KDM2A: variants seen among roughly 807,000 people sequenced by gnomAD.
KDM2A encodes lysine demethylase 2A.
In KDM2A, 3 loss-of-function variants were observed where a neutral mutation model predicts 137.3. The observed-to-expected ratio is 0.02, with a 90% CI of 0.01 to 0.06. KDM2A has a LOEUF of 0.06. Ranked by LOEUF, KDM2A falls within the 10% of genes least tolerant of loss-of-function variation. KDM2A has a pLI of 1.00. For synonymous variants in KDM2A, 512 were observed against 541.5 expected, an observed-to-expected ratio of 0.95 and a Z score of 0.76; for missense variants, 738 against 1,510.6, an observed-to-expected ratio of 0.49 and a Z score of 8.48.
At chr11:67,170,407 T>C (rs1229398592) in intron 2 of KDM2A, among the ~76,000 whole-genome samples, 34 of 141,474 alleles carry the variant, frequency 2.4e-4, no homozygotes, top group South Asian at 4.3e-4. Context: ...TTTCTTTCTT[T>C]CTTTTTTTTT....
rs965009288 is a variant in KDM2A, at chr11:67,253,079, G to A, written c.2932+222G>A. 1.4e-4 allele frequency among the ~76,000 whole-genome samples: 22 copies of A among 152,222 alleles called. 1 individual carries two copies. The highest frequency in any genetic ancestry group is 2.9e-4 in the Non-Finnish European group (20 of 68,042). ...GCCAATCACTGCAATGGACAGCAAA[G>A]AGAACGGAATCAGTGTTGCTGCCAG... On this transcript the variant is annotated intron_variant, in intron 18 of 20. Transcript: ENST00000529006.
At chr11:67,200,014 A>G (rs940855655) in intron 5 of KDM2A, among the ~76,000 whole-genome samples, 2 of 152,238 alleles carry the variant, frequency 1.3e-5, no homozygotes, top group Non-Finnish European at 2.9e-5. Context: ...GAATTATGCT[A>G]AATCTACTCT....
chr11:67,245,230 C>T lies in KDM2A; in HGVS notation c.1605C>T (p.Ile535=). The T allele has an allele frequency of 6.2e-7, 1 of 1,614,008 alleles. No homozygotes were observed. The highest frequency in any genetic ancestry group is 8.5e-7 in the Non-Finnish European group (1 of 1,179,888). Residue 535 remains isoleucine, a synonymous_variant, in exon 14 of 21, where the codon ATC becomes ATT. Coordinates refer to ENST00000529006, the MANE Select transcript of KDM2A (RefSeq NM_012308.3). This position sits in a 1 kb window ranked among gnomAD's most constrained non-coding sequence, Gnocchi z 4.1. ...PTRPKVRVPT[I]PITKPHTMKP... ...GGCCAAAGGTGCGGGTTCCTACCAT[C>T]CCCATTACGAAGCCTCACACTATGA... is the stretch of plus-strand genomic sequence containing the variant.
intron 6 of KDM2A, among the ~76,000 whole-genome samples, chr11:67,210,695 C>G (rs1857952251): frequency 1.3e-5 from 2 of 152,200 alleles, no homozygotes. Context: ...TTACCAAGCT[C>G]ACATTCTAAA....
At chr11:67,139,327 C>G (rs1047358695) in intron 2 of KDM2A, among the ~76,000 whole-genome samples, 1 of 152,028 alleles carries the variant, frequency 6.6e-6, no homozygotes, top group Non-Finnish European at 1.5e-5. Context: ...TCATTGCAAC[C>G]TCCGCCTCCC....
chr11:67,128,884 T>C (rs1590704125), intron 2 of KDM2A, among the ~76,000 whole-genome samples: 1 of 152,224 alleles, frequency 6.6e-6, no homozygotes, highest in East Asian at 1.9e-4. Context: ...TATGCTCTTC[T>C]TTGCTACCAA....
intron 2 of KDM2A, among the ~76,000 whole-genome samples, chr11:67,178,097 A>G (rs1402608420): frequency 6.6e-6 from 1 of 152,174 alleles, no homozygotes; most frequent in Non-Finnish European, 1.5e-5. Context: ...CATACCATAC[A>G]GTCTCCTCAT....
chr11:67,240,290 C>A, intron 12 of KDM2A: 1 of 1,535,632 alleles, frequency 6.5e-7, no homozygotes, highest in Non-Finnish European at 8.7e-7. Flanking sequence ...AGGAGAACTT[C>A]CAGTACAGAA....
chr11:67,215,399 T>G lies in KDM2A; in HGVS notation c.546T>G (p.Thr182=). ...MWPRHLKESQ[T]ESTNAILEMQ... Reference sequence around the variant, plus strand: ...CAAGGCACTTGAAGGAAAGCCAGACTGAATCAACAAATGCCATCTTGGAGA... The same window carrying G: ...CAAGGCACTTGAAGGAAAGCCAGACGGAATCAACAAATGCCATCTTGGAGA... Residue 182 remains threonine, a synonymous_variant, in exon 7 of 21, where the codon ACT becomes ACG. Transcript: ENST00000529006. 6.2e-7 allele frequency: 1 copy of G among 1,613,858 alleles called. No individual in the cohort carries two copies. The highest frequency in any genetic ancestry group is 8.5e-7 in the Non-Finnish European group (1 of 1,179,786).
rs766859642 is a variant in KDM2A at position 67,253,517 on chromosome 11, C to T, written c.2997C>T (p.Ser999=). ...WSAVSALSTS[S]CPLLRTLDLR... ...CAGTCTCTGCCCTCAGCACCTCCAGCTGCCCCCTTCTCAGGACCCTTGATC... is the reference window on the plus strand; with the variant it reads ...CAGTCTCTGCCCTCAGCACCTCCAGTTGCCCCCTTCTCAGGACCCTTGATC... The change falls in exon 19 of 21, where the codon AGC becomes AGT. Residue 999 remains serine (S), a synonymous_variant. Coordinates refer to ENST00000529006, the MANE Select transcript of KDM2A (RefSeq NM_012308.3). The T allele has an allele frequency of 6.2e-7, 1 of 1,613,986 alleles. No homozygotes were observed. Among genetic ancestry groups the T allele is most frequent in the African/African-American group, 1.3e-5 (1 of 75,056 alleles).
intron 2 of KDM2A, among the ~76,000 whole-genome samples, chr11:67,122,928 G>A (rs1268435648): frequency 6.6e-6 from 1 of 151,988 alleles, no homozygotes; most frequent in Non-Finnish European, 1.5e-5. Flanking sequence ...GCCCGCCTCG[G>A]CCACCCAAAG....
intron 9 of KDM2A, among the ~76,000 whole-genome samples, chr11:67,218,576 CATTAGT>C (rs1858238836): frequency 6.6e-6 from 1 of 151,642 alleles, no homozygotes; most frequent in African/African-American, 2.4e-5. Flanking sequence ...TGTCAGCTGT[CATTAGT>C]ATTAGTATAT....
At chr11:67,151,001 A>G (rs1049814038) in intron 2 of KDM2A, among the ~76,000 whole-genome samples, 2 of 152,172 alleles carry the variant, frequency 1.3e-5, no homozygotes, top group Non-Finnish European at 2.9e-5. Flanking sequence ...CCCCCCTTGC[A>G]TGCAGTAGAG....
At chr11:67,161,993 T>G (rs1856648622) in intron 2 of KDM2A, among the ~76,000 whole-genome samples, 2 of 152,190 alleles carry the variant, frequency 1.3e-5, no homozygotes, top group African/African-American at 2.4e-5. Flanking sequence ...TTAGTAGTTG[T>G]CTTTGGTTAT....
intron 13 of KDM2A, among the ~76,000 whole-genome samples, chr11:67,243,990 A>C (rs1178342725): frequency 6.6e-6 from 1 of 152,228 alleles, no homozygotes; most frequent in Non-Finnish European, 1.5e-5. Context: ...AATTTGGCAA[A>C]TAAATGAGGC....
At chr11:67,224,893 G>T (rs1273524428) in intron 10 of KDM2A, among the ~76,000 whole-genome samples, 1 of 132,396 alleles carries the variant, frequency 7.6e-6, no homozygotes, top group African/African-American at 3.0e-5. Context: ...CCAAGCTGGA[G>T]TGCAGTGGTG....
intron 2 of KDM2A, 142 bp downstream of exon 2, chr11:67,121,500 T>C (rs1855596232): frequency 1.4e-6 from 1 of 695,908 alleles, no homozygotes; most frequent in South Asian, 1.9e-5. Flanking sequence ...GAAAGGTGTA[T>C]TAATATCGAA....
At position 67,137,293 on chromosome 11, in the gene KDM2A, A is replaced by G. The variant is rs375456699; in HGVS notation, c.42+15935A>G. Among the ~76,000 whole-genome samples the G allele has an allele frequency of 3.5e-4, 53 of 152,354 alleles. 2 individuals are homozygous for G. Among genetic ancestry groups the G allele is most frequent in the Admixed American group, 1.4e-3 (22 of 15,296 alleles). On this transcript the variant is annotated intron_variant, in intron 2 of 20. Transcript: ENST00000529006. Reference sequence around the variant, plus strand: ...GAAGCCATTGGGAAGGCAGAAGTTCAGCAGAGTAGTAATGCGTTTGGACCA... The same window carrying G: ...GAAGCCATTGGGAAGGCAGAAGTTCGGCAGAGTAGTAATGCGTTTGGACCA...
chr11:67,251,811 CA>C (rs1430994532), intron 17 of KDM2A, among the ~76,000 whole-genome samples: 3 of 152,206 alleles, frequency 2.0e-5, no homozygotes, highest in Non-Finnish European at 4.4e-5. Flanking sequence ...CTATTCTTTG[CA>C]AACATGAGTT....
Sources: gnomAD v4.1 joint callset for allele counts (sites outside exome capture counted in the v4.1 genomes callset) on GRCh38, gnomAD v4.1.1 for gene constraint, Gnocchi (gnomAD v3.1) non-coding constraint, MANE v1.5 for transcripts, NCBI Gene and HGNC (gene_info 2026-07-23, HGNC 2026-07-21) for gene names.